The following PIEZO2 variants were observed in gnomAD, a reference collection of about 807,000 sequenced individuals.
PIEZO2 encodes the protein piezo-type mechanosensitive ion channel component 2.
PIEZO2 carries 172 observed loss-of-function variants against 337.3 expected under a neutral mutation model. The ratio of observed to expected loss-of-function variants is 0.51; its 90% confidence interval spans 0.45 to 0.58. The LOEUF (loss-of-function observed/expected upper bound fraction) is 0.58. Ranked by LOEUF, PIEZO2 falls within the 20% of genes least tolerant of loss-of-function variation. The pLI is 0.00. For missense variants in PIEZO2, 3,028 were observed against 3,391.3 expected (o/e 0.89, Z 2.66); for synonymous variants, 1,251 against 1,228.5 (o/e 1.02, Z -0.38).
At chr18:10,688,757 A>C (rs972067526) in intron 49 of PIEZO2, among the ~76,000 whole-genome samples, 1 of 151,958 alleles carries the variant, frequency 6.6e-6, no homozygotes, top group Non-Finnish European at 1.5e-5. Context: ...AGTTCTTCCT[A>C]CTTTTCCTTG....
intron 1 of PIEZO2, among the ~76,000 whole-genome samples, chr18:11,073,287 G>A (rs528429937): frequency 6.6e-6 from 1 of 152,286 alleles, no homozygotes; most frequent in East Asian, 1.9e-4. Flanking sequence ...TTGAGTGTGG[G>A]CTGTAGCTAG....
chr18:10,826,365 G>C (rs940314146), intron 7 of PIEZO2, among the ~76,000 whole-genome samples: 17 of 152,162 alleles, frequency 1.1e-4, no homozygotes, highest in Admixed American at 6.5e-5. Flanking sequence ...TTATCATATT[G>C]TTCTAGCCTT....
At chr18:10,986,677 C>T (rs1011079781) in intron 2 of PIEZO2, among the ~76,000 whole-genome samples, 1 of 151,952 alleles carries the variant, frequency 6.6e-6, no homozygotes, top group African/African-American at 2.4e-5. Context: ...GTAGCACACT[C>T]TTGCTGCTTC....
At chr18:10,747,066 C>T (rs1257872386) in intron 30 of PIEZO2, among the ~76,000 whole-genome samples, 2 of 152,176 alleles carry the variant, frequency 1.3e-5, no homozygotes, top group African/African-American at 2.4e-5. Context: ...ATTCTTTGAA[C>T]ACACTATTAT....
In PIEZO2 at chr18:11,148,620, C is replaced by G; in HGVS notation, c.-32G>C. 1 of 1,535,240 alleles carries G rather than the reference C, an allele frequency of 6.5e-7. No individual in the cohort carries two copies. Among genetic ancestry groups the G allele is most frequent in the Non-Finnish European group, 8.7e-7 (1 of 1,146,118 alleles). On this transcript the variant is annotated 5_prime_UTR_variant, in exon 1 of 56. Transcript: ENST00000674853. This position sits in a 1 kb window ranked among gnomAD's most constrained non-coding sequence, Gnocchi z 5.2. The stretch of plus-strand genomic sequence containing the variant: ...GGTCCGGCGAGTCGGAGCAGAGGGG[C>G]GAGGCTCGAGGGTCCCTAGGGGTGG...
At chr18:10,964,271 T>C (rs1412006494) in intron 3 of PIEZO2, among the ~76,000 whole-genome samples, 1 of 152,100 alleles carries the variant, frequency 6.6e-6, no homozygotes, top group Non-Finnish European at 1.5e-5. Flanking sequence ...ACAATACATA[T>C]CAATTCTGAG....
chr18:10,797,746 C>T (rs1034897464), intron 11 of PIEZO2, among the ~76,000 whole-genome samples: 7 of 152,108 alleles, frequency 4.6e-5, no homozygotes, highest in African/African-American at 1.7e-4. Flanking sequence ...GGAAAATTTC[C>T]ATGTAAGAAG....
In PIEZO2 at chr18:11,031,083, G is replaced by A. The variant is rs1009315012; in HGVS notation, c.160+35044C>T. Among the ~76,000 whole-genome samples the A allele has an allele frequency of 7.2e-5, 11 of 151,964 alleles. No individual in the cohort carries two copies. Among genetic ancestry groups the A allele is most frequent in the East Asian group, 1.9e-4 (1 of 5,178 alleles). ...TGGCTCATTGCAAACGCCGCCTCCC[G>A]GGTTCACACCATTCTCCTGCCTCAG... is the stretch of plus-strand genomic sequence containing the variant. On this transcript the variant is annotated intron_variant, in intron 2 of 55. Coordinates refer to ENST00000674853, the MANE Select transcript of PIEZO2 (RefSeq NM_001378183.1). The surrounding 1 kb of genome is among the most constrained non-coding windows in gnomAD (Gnocchi z 4.7).
rs2034726776 is a variant in PIEZO2 at position 10,982,962 on chromosome 18, C to A, written c.161-3302G>T. Among the ~76,000 whole-genome samples, 1 of 152,094 alleles carries A rather than the reference C, an allele frequency of 6.6e-6. No homozygotes were observed. Among genetic ancestry groups the A allele is most frequent in the Non-Finnish European group, 1.5e-5 (1 of 68,000 alleles). ...TCTCAAACTCCTGACCTCAAGAGATCCGCCTGCCCCAGCCTCCCAAAGTGC... is the reference window on the plus strand; with the variant it reads ...TCTCAAACTCCTGACCTCAAGAGATACGCCTGCCCCAGCCTCCCAAAGTGC... On this transcript the variant is annotated intron_variant, in intron 2 of 55. Coordinates refer to ENST00000674853, the MANE Select transcript of PIEZO2 (RefSeq NM_001378183.1). This position sits in a 1 kb window ranked among gnomAD's most constrained non-coding sequence, Gnocchi z 4.1.
Position 10,944,556 on chromosome 18 carries a change from G to GAT in PIEZO2, c.287-33330_287-33329dup, listed in dbSNP as rs1203736680. 4.9e-3 allele frequency among the ~76,000 whole-genome samples: 529 copies of GAT among 107,788 alleles called. 2 individuals carry two copies. The highest frequency in any genetic ancestry group is 6.2e-3 in the Admixed American group (64 of 10,344). The allele number at this position is 107,788 out of a possible 152,430, so 70.7% of individuals were successfully genotyped here. ...TATATATATATATATCTTAGTAACA[G>GAT]ATATATATATATATATCTAAGTGAA... On this transcript the variant is annotated intron_variant, in intron 3 of 55. Coordinates refer to ENST00000674853, the MANE Select transcript of PIEZO2 (RefSeq NM_001378183.1).
chr18:10,833,184 G>A lies in PIEZO2; in HGVS notation c.917+22169C>T, dbSNP rs987509239. ...AACACAGTGGCAGGATGGGGCAGTC[G>A]TCATGAACATGGCACATGGAGCATG... On this transcript the variant is annotated intron_variant, in intron 7 of 55. Coordinates refer to ENST00000674853, the MANE Select transcript of PIEZO2 (RefSeq NM_001378183.1). The surrounding 1 kb of genome is among the most constrained non-coding windows in gnomAD (Gnocchi z 4.7). 2.0e-5 allele frequency among the ~76,000 whole-genome samples: 3 copies of A among 152,156 alleles called. No homozygotes were observed. The highest frequency in any genetic ancestry group is 1.9e-4 in the East Asian group (1 of 5,174).
chr18:10,854,300 A>G lies in PIEZO2; in HGVS notation c.917+1053T>C, dbSNP rs898963723. On this transcript the variant is annotated intron_variant, in intron 7 of 55. Coordinates refer to ENST00000674853, the MANE Select transcript of PIEZO2 (RefSeq NM_001378183.1). The surrounding 1 kb of genome is among the most constrained non-coding windows in gnomAD (Gnocchi z 4.6). ...GTTTTGATCATGTTGACTTCAATCA[A>G]TTCCTCAAGATATTGATCACACCTT... 6.6e-6 allele frequency among the ~76,000 whole-genome samples: 1 copy of G among 152,194 alleles called. No individual in the cohort carries two copies. The highest frequency in any genetic ancestry group is 2.4e-5 in the African/African-American group (1 of 41,448).
At chr18:10,801,986 T>C (rs1465647734) in intron 9 of PIEZO2, among the ~76,000 whole-genome samples, 1 of 147,200 alleles carries the variant, frequency 6.8e-6, no homozygotes, top group African/African-American at 2.5e-5. Flanking sequence ...CTTGGGAGGC[T>C]GAGGCAGGAG....
intron 2 of PIEZO2, among the ~76,000 whole-genome samples, chr18:11,012,405 TA>T (rs1428889042): frequency 2.6e-5 from 4 of 152,234 alleles, no homozygotes; most frequent in Admixed American, 1.3e-4. Flanking sequence ...ATCAAGTATC[TA>T]ATCTCCACAA....
At chr18:11,017,657 G>A (rs975298814) in intron 2 of PIEZO2, among the ~76,000 whole-genome samples, 5 of 152,220 alleles carry the variant, frequency 3.3e-5, no homozygotes, top group South Asian at 4.2e-4. Flanking sequence ...AAAAGAAATC[G>A]TATGCCAAAA....
rs938940836 is a variant in PIEZO2 at position 10,903,849 on chromosome 18, G to A, written c.329+7337C>T. Among the ~76,000 whole-genome samples the A allele has an allele frequency of 6.6e-6, 1 of 152,124 alleles. No individual in the cohort carries two copies. Among genetic ancestry groups the A allele is most frequent in the African/African-American group, 2.4e-5 (1 of 41,412 alleles). ...TCAAAACTCTGCCCAGATGTTCCCTGAAGTTAAGCTTTCACAGACAACTCC... is the reference window on the plus strand; with the variant it reads ...TCAAAACTCTGCCCAGATGTTCCCTAAAGTTAAGCTTTCACAGACAACTCC... On this transcript the variant is annotated intron_variant, in intron 4 of 55. Transcript: ENST00000674853. This position sits in a 1 kb window ranked among gnomAD's most constrained non-coding sequence, Gnocchi z 4.1.
rs138788412 is a variant in PIEZO2, at chr18:11,023,679, C to T, written c.160+42448G>A. Among the ~76,000 whole-genome samples the T allele has an allele frequency of 4.5e-3, 679 of 152,302 alleles. 7 individuals are homozygous for T. Among genetic ancestry groups the T allele is most frequent in the African/African-American group, 0.016 (649 of 41,570 alleles). ...CCTCAGCCCTTGGGTGGTCCCTGTT[C>T]GGGCACTGTGGAGCAGGGGGCGGCG... On this transcript the variant is annotated intron_variant, in intron 2 of 55. Transcript: ENST00000674853.
chr18:10,926,348 A>G (rs886794420), intron 3 of PIEZO2, among the ~76,000 whole-genome samples: 4 of 152,240 alleles, frequency 2.6e-5, no homozygotes, highest in African/African-American at 9.6e-5. Flanking sequence ...AGTAAATACT[A>G]CAATCCAGAT....
chr18:10,680,138 C>A, intron 52 of PIEZO2, 61 bp downstream of exon 52: 2 of 1,426,780 alleles, frequency 1.4e-6, no homozygotes, highest in Non-Finnish European at 1.9e-6. Flanking sequence ...ACCCTCCCTC[C>A]CCCAACTCCA....
Sources: allele counts gnomAD v4.1 joint callset (sites outside exome capture counted in the v4.1 genomes callset), GRCh38; gene constraint gnomAD v4.1.1; non-coding constraint Gnocchi (gnomAD v3.1); transcripts MANE v1.5; gene names NCBI Gene and HGNC (gene_info 2026-07-23, HGNC 2026-07-21).